Variants in THSD7B observed in about 807,000 individuals in gnomAD.
THSD7B encodes thrombospondin type-1 domain-containing protein 7B.
In THSD7B, 138 loss-of-function variants were observed where a neutral mutation model predicts 213.6. The ratio of observed to expected loss-of-function variants is 0.65; its 90% CI spans 0.56 to 0.74. The LOEUF (loss-of-function observed/expected upper bound fraction) is 0.74. Ranked by LOEUF, THSD7B falls within the 30% of genes least tolerant of loss-of-function variation. The pLI is 0.00. For missense variants in THSD7B, 1,931 were observed against 1,991.5 expected (o/e 0.97, Z 0.58); for synonymous variants, 742 against 687.0 (o/e 1.08, Z -1.25).
At chr2:137,508,082 C>T (rs181229119) in intron 15 of THSD7B, among the ~76,000 whole-genome samples, 3 of 152,260 alleles carry the variant, frequency 2.0e-5, no homozygotes, top group East Asian at 1.9e-4. Context: ...ATTAAAATAG[C>T]GACTGGTTTA....
chr2:136,955,234 A>G (rs1335875673), intron 2 of THSD7B, among the ~76,000 whole-genome samples: 1 of 152,212 alleles, frequency 6.6e-6, no homozygotes, highest in Admixed American at 6.5e-5. Context: ...GAGCTGGAAT[A>G]TATTTGATCA....
chr2:137,455,860 CT>C (rs1168785819), intron 15 of THSD7B, among the ~76,000 whole-genome samples: 2 of 152,162 alleles, frequency 1.3e-5, no homozygotes, highest in Non-Finnish European at 1.5e-5. Flanking sequence ...TAAATGTTGC[CT>C]AATAGAAGAT....
At chr2:137,217,876 A>T (rs1484910671) in intron 7 of THSD7B, among the ~76,000 whole-genome samples, 1 of 152,160 alleles carries the variant, frequency 6.6e-6, no homozygotes, top group Non-Finnish European at 1.5e-5. Context: ...TTAAGACATT[A>T]TGCAACCCTG....
At chr2:137,249,984 G>C (rs1188129182) in intron 10 of THSD7B, among the ~76,000 whole-genome samples, 1 of 152,138 alleles carries the variant, frequency 6.6e-6, no homozygotes, top group African/African-American at 2.4e-5. Flanking sequence ...CACAGATGAG[G>C]CAACACACTC....
At chr2:137,451,198 C>T (rs1687644439) in intron 15 of THSD7B, among the ~76,000 whole-genome samples, 175 bp downstream of exon 15, 1 of 152,176 alleles carries the variant, frequency 6.6e-6, no homozygotes, top group Admixed American at 6.5e-5. Context: ...TGAAGCTTTG[C>T]TCACACCTGG....
rs11306277 is a variant in THSD7B at position 137,354,283 on chromosome 2, G to GA, written c.2501-51322dup. On this transcript the variant is annotated intron_variant, in intron 12 of 27. Transcript: ENST00000409968. Reference sequence around the variant, plus strand: ...TGCACAGATATGATTAATGCAGTCAGAAAAAAAACCTCTTTACTCCAGAAA... The same window carrying GA: ...TGCACAGATATGATTAATGCAGTCAGAAAAAAAAACCTCTTTACTCCAGAAA... Among the ~76,000 whole-genome samples, 3 of 151,436 alleles carry GA rather than the reference G, an allele frequency of 2.0e-5. No homozygotes were observed. The South Asian group carries it at 6.2e-4, about 31-fold the overall frequency.
intron 3 of THSD7B, among the ~76,000 whole-genome samples, chr2:137,093,247 C>A (rs79922866): frequency 4.3e-5 from 6 of 140,604 alleles, no homozygotes; most frequent in African/African-American, 8.8e-5. Context: ...TTCGAAGAAC[C>A]CTTGTACCTT....
intron 1 of THSD7B, among the ~76,000 whole-genome samples, chr2:136,836,855 C>T (rs559309543): frequency 6.6e-6 from 1 of 152,228 alleles, no homozygotes; most frequent in Admixed American, 6.5e-5. Context: ...ATTTCTGTTG[C>T]TCACACCCCT....
chr2:137,554,795 A>G (rs1332123921), intron 15 of THSD7B, among the ~76,000 whole-genome samples: 3 of 152,208 alleles, frequency 2.0e-5, no homozygotes, highest in Non-Finnish European at 2.9e-5. Flanking sequence ...ATTCCCTTTC[A>G]TAGCCAAACA....
At chr2:136,852,345 AAAC>A (rs1403482417) in intron 1 of THSD7B, among the ~76,000 whole-genome samples, 3 of 151,862 alleles carry the variant, frequency 2.0e-5, no homozygotes, top group African/African-American at 7.2e-5. Context: ...AAACAAAACA[AAAC>A]AACAAAAAAA....
At chr2:137,142,825 A>T (rs891789670) in intron 5 of THSD7B, among the ~76,000 whole-genome samples, 1 of 152,040 alleles carries the variant, frequency 6.6e-6, no homozygotes, top group Admixed American at 6.6e-5. Context: ...AGTAAGGGCG[A>T]TTGTTTTCTT....
At chr2:136,933,382 C>A (rs1409239656) in intron 2 of THSD7B, among the ~76,000 whole-genome samples, 3 of 152,044 alleles carry the variant, frequency 2.0e-5, no homozygotes, top group Non-Finnish European at 4.4e-5. Context: ...CAAGAGCAAT[C>A]TGGCCAACAT....
intron 10 of THSD7B, among the ~76,000 whole-genome samples, chr2:137,268,083 G>A (rs890772760): frequency 6.6e-6 from 1 of 152,132 alleles, no homozygotes. Flanking sequence ...CTCATGCTGG[G>A]TTCAAAATGA....
At chr2:137,126,912 G>A (rs191841182) in intron 5 of THSD7B, among the ~76,000 whole-genome samples, 1 of 152,270 alleles carries the variant, frequency 6.6e-6, no homozygotes, top group African/African-American at 2.4e-5. Flanking sequence ...AAGAGAGAGA[G>A]ATGGGGGAAT....
chr2:137,432,012 T>C (rs765804058), intron 14 of THSD7B, among the ~76,000 whole-genome samples: 1 of 152,156 alleles, frequency 6.6e-6, no homozygotes, highest in Non-Finnish European at 1.5e-5. Flanking sequence ...TACTCTCAAA[T>C]TGGAAAGATC....
At chr2:137,446,500 C>G (rs1459356456) in intron 14 of THSD7B, among the ~76,000 whole-genome samples, 1 of 151,996 alleles carries the variant, frequency 6.6e-6, no homozygotes, top group Non-Finnish European at 1.5e-5. Flanking sequence ...TTAATGCATC[C>G]TATTCAGTCC....
At chr2:137,043,209 AT>A (rs1363374475) in intron 2 of THSD7B, among the ~76,000 whole-genome samples, 2 of 152,162 alleles carry the variant, frequency 1.3e-5, no homozygotes, top group Admixed American at 1.3e-4. Context: ...ACTTACTTTG[AT>A]TATTTACTTT....
chr2:137,655,683 A>G, intron 22 of THSD7B, 23 bp downstream of exon 22: 1 of 1,607,326 alleles, frequency 6.2e-7, no homozygotes. Flanking sequence ...AGTGATTGGG[A>G]GCGCCTCCCA....
chr2:136,917,704 G>A (rs1179759741), intron 2 of THSD7B, among the ~76,000 whole-genome samples: 1 of 152,186 alleles, frequency 6.6e-6, no homozygotes, highest in African/African-American at 2.4e-5. Flanking sequence ...CAGAGTCTAT[G>A]TAACCCGAGC....
Sources: gnomAD v4.1 joint callset for allele counts (sites outside exome capture counted in the v4.1 genomes callset) on GRCh38, gnomAD v4.1.1 for gene constraint, MANE v1.5 for transcripts, NCBI Gene and HGNC (gene_info 2026-07-23, HGNC 2026-07-21) for gene names.